DOCK4: variants seen among roughly 807,000 people sequenced by gnomAD.
The protein encoded by DOCK4 is dedicator of cytokinesis 4, also known as dedicator of cytokinesis protein 4.
In DOCK4, 97 loss-of-function variants were observed where a neutral mutation model predicts 268.1. The ratio of observed to expected loss-of-function variants is 0.36; its 90% CI spans 0.31 to 0.43. The LOEUF (loss-of-function observed/expected upper bound fraction) is 0.43. DOCK4 is among the 20% of genes least tolerant of loss of function. DOCK4 has a pLI of 1.00. For synonymous variants in DOCK4, 954 were observed against 887.2 expected (o/e 1.08, Z -1.34); for missense variants, 2,145 against 2,455.7 (o/e 0.87, Z 2.67).
At chr7:112,055,055 A>G (rs1805692046) in intron 1 of DOCK4, among the ~76,000 whole-genome samples, 1 of 152,220 alleles carries the variant, frequency 6.6e-6, no homozygotes, top group Non-Finnish European at 1.5e-5. Context: ...ACCATCATCA[A>G]TAAGGTCTTA....
chr7:112,156,110 C>G (rs2116446670), intron 1 of DOCK4, among the ~76,000 whole-genome samples: 1 of 152,164 alleles, frequency 6.6e-6, no homozygotes, highest in South Asian at 2.1e-4. Flanking sequence ...ACTAGAGTCT[C>G]TTACCCAACC....
At chr7:111,732,436 T>C (rs1465711520) in intron 51 of DOCK4, 149 bp from the exon 52 acceptor site, 1 of 707,272 alleles carries the variant, frequency 1.4e-6, no homozygotes, top group Non-Finnish European at 2.4e-6. Context: ...GGGGAGAAGC[T>C]AAATGATGCC....
At chr7:111,797,143 A>G (rs1799955749) in intron 30 of DOCK4, among the ~76,000 whole-genome samples, 2 of 152,182 alleles carry the variant, frequency 1.3e-5, no homozygotes, top group African/African-American at 4.8e-5. Flanking sequence ...CGTTAAAGAG[A>G]AAAGCAACTC....
At chr7:111,733,297 C>G (rs1795235440) in intron 51 of DOCK4, among the ~76,000 whole-genome samples, 1 of 152,208 alleles carries the variant, frequency 6.6e-6, no homozygotes, top group Non-Finnish European at 1.5e-5. Context: ...GAAGGGATGG[C>G]AGCCCTGCCA....
At chr7:112,148,602 A>G (rs987171316) in intron 1 of DOCK4, among the ~76,000 whole-genome samples, 3 of 152,100 alleles carry the variant, frequency 2.0e-5, no homozygotes, top group Non-Finnish European at 4.4e-5. Context: ...TACAACCATT[A>G]TTTGCTGTCT....
At chr7:111,828,834 A>T (rs1339553535) in intron 26 of DOCK4, among the ~76,000 whole-genome samples, 4 of 151,440 alleles carry the variant, frequency 2.6e-5, no homozygotes, top group African/African-American at 9.7e-5. Context: ...CATGTAAAAA[A>T]GTATACATCA....
At chr7:112,003,801 T>C (rs76869176) in intron 2 of DOCK4, among the ~76,000 whole-genome samples, 2,240 of 152,300 alleles carry the variant, frequency 0.015, 59 homozygotes, top group African/African-American at 0.051. Flanking sequence ...CTCCCACAGA[T>C]ATGGTAACTT....
chr7:111,738,307 G>A (rs73715241), intron 49 of DOCK4, among the ~76,000 whole-genome samples: 2,657 of 152,266 alleles, frequency 0.017, 93 homozygotes, highest in African/African-American at 0.061. Context: ...GGACTGAACC[G>A]CTCTTTTCTC....
intron 27 of DOCK4, chr7:111,820,633 T>A (rs1424510303): frequency 3.3e-5 from 5 of 152,274 alleles, no homozygotes; most frequent in Admixed American, 6.5e-5. Flanking sequence ...GTATTTAATA[T>A]CAAAAAGCCA....
intron 5 of DOCK4, among the ~76,000 whole-genome samples, chr7:111,993,680 CCT>C (rs1799709789): frequency 6.6e-6 from 1 of 152,108 alleles, no homozygotes; most frequent in African/African-American, 2.4e-5. Flanking sequence ...AAACACAGAT[CCT>C]TTTTCCCCTC....
intron 19 of DOCK4, 79 bp downstream of exon 19, chr7:111,872,190 A>G: frequency 7.3e-7 from 1 of 1,367,190 alleles, no homozygotes; most frequent in Non-Finnish European, 9.9e-7. Flanking sequence ...TATTAAGCAC[A>G]TGTTTCTGAA....
At chr7:111,983,856 G>GCA (rs1454832356) in intron 7 of DOCK4, among the ~76,000 whole-genome samples, 1 of 92,002 alleles carries the variant, frequency 1.1e-5, no homozygotes, top group South Asian at 4.0e-4. Flanking sequence ...GCGCGCGCGC[G>GCA]CGCGCGCACA....
chr7:112,198,358 C>T lies in DOCK4; in HGVS notation c.37+7744G>A, dbSNP rs568389128. ...CCTTGATCTTGGACTTCCTAGCCTG[C>T]GGAACTGTGAGAAACAAATTTCTTT... On this transcript the variant is annotated intron_variant, in intron 1 of 52. Coordinates refer to ENST00000428084, the MANE Select transcript of DOCK4 (RefSeq NM_001363540.2). 1.1e-3 allele frequency among the ~76,000 whole-genome samples: 174 copies of T among 152,276 alleles called. 1 individual carries two copies. Among genetic ancestry groups the T allele is most frequent in the Admixed American group, 2.6e-3 (40 of 15,294 alleles).
Position 111,790,523 on chromosome 7 carries a change from A to G in DOCK4, c.3249T>C (p.Asn1083=). The G allele has an allele frequency of 6.2e-7, 1 of 1,613,928 alleles. No homozygotes were observed. Among genetic ancestry groups the G allele is most frequent in the Non-Finnish European group, 8.5e-7 (1 of 1,179,858 alleles). The part of the protein sequence containing the change: ...VTLIPQPDLR[N]VMIPIFHDMM... ...TATCATGAAAAATTGGAATCATGAC[A>G]TTCCGAAGATCTGGCTGGGGTATCA... The change falls in exon 31 of 53, where the codon AAT becomes AAC. Residue 1083 remains asparagine, a synonymous_variant. Transcript: ENST00000428084.
At chr7:111,954,834 C>G (rs1295335447) in intron 8 of DOCK4, among the ~76,000 whole-genome samples, 3 of 152,104 alleles carry the variant, frequency 2.0e-5, no homozygotes, top group Non-Finnish European at 2.9e-5. Context: ...TTGGCGTGCT[C>G]TCAGGGTTCG....
chr7:111,963,551 G>T (rs1797123452), intron 8 of DOCK4, among the ~76,000 whole-genome samples: 1 of 38,622 alleles, frequency 2.6e-5, no homozygotes, highest in Non-Finnish European at 4.4e-5. Context: ...GGCTCAGAGG[G>T]TCCTACGCCC....
chr7:112,052,685 C>T (rs531439835), intron 1 of DOCK4, among the ~76,000 whole-genome samples: 2 of 152,222 alleles, frequency 1.3e-5, no homozygotes, highest in East Asian at 3.9e-4. Flanking sequence ...CACTCACCCA[C>T]CCGCAATAAT....
chr7:112,124,910 T>G (rs1813075931), intron 1 of DOCK4, among the ~76,000 whole-genome samples: 1 of 152,230 alleles, frequency 6.6e-6, no homozygotes, highest in Non-Finnish European at 1.5e-5. Flanking sequence ...TCTATTCATG[T>G]GCTAAGAACT....
At chr7:111,868,990 C>T (rs886673589) in intron 21 of DOCK4, among the ~76,000 whole-genome samples, 1 of 152,130 alleles carries the variant, frequency 6.6e-6, no homozygotes, top group South Asian at 2.1e-4. Context: ...CAACAGGAAT[C>T]AGAAGACTAC....
Sources: gnomAD v4.1 joint callset for allele counts (sites outside exome capture counted in the v4.1 genomes callset) on GRCh38, gnomAD v4.1.1 for gene constraint, MANE v1.5 for transcripts, NCBI Gene and HGNC (gene_info 2026-07-23, HGNC 2026-07-21) for gene names.